The following HSF1 variants were observed in gnomAD, a reference collection of about 807,000 sequenced individuals.
The protein encoded by HSF1 is heat shock transcription factor 1.
A neutral mutation model predicts 51.7 loss-of-function variants in HSF1; 32 were observed. The ratio of observed to expected loss-of-function variants is 0.62; its 90% CI spans 0.47 to 0.83. The LOEUF (loss-of-function observed/expected upper bound fraction) is 0.83, where lower values mean the gene tolerates loss of function less well. HSF1 is among the 40% of genes least tolerant of loss of function. HSF1 has a pLI of 0.00. For synonymous variants in HSF1, 396 were observed against 309.7 expected, an observed-to-expected ratio of 1.28 and a Z score of -2.92; for missense variants, 727 against 717.0, an observed-to-expected ratio of 1.01 and a Z score of -0.16.
chr8:144,300,377 C>G (rs373830248), intron 1 of HSF1, among the ~76,000 whole-genome samples: 2 of 152,092 alleles, frequency 1.3e-5, no homozygotes, highest in African/African-American at 2.4e-5. Flanking sequence ...CCACCTCGCC[C>G]GGCTAATTTT....
intron 1 of HSF1, among the ~76,000 whole-genome samples, chr8:144,302,998 C>T (rs1273119582): frequency 1.3e-5 from 2 of 152,030 alleles, no homozygotes; most frequent in Non-Finnish European, 2.9e-5. Context: ...GTGCGGAGCC[C>T]CTGGAACTCA....
In HSF1 at chr8:144,312,658, C is replaced by T. The variant is rs564015808; in HGVS notation, c.1142+414C>T. ...CTCGCACTCCACAGATGTCTAGGGT[C>T]GCCCGCCTCTTCCCCTGCCCCTCTT... is the stretch of plus-strand genomic sequence containing the variant. On this transcript the variant is annotated intron_variant, in intron 9 of 12. Coordinates refer to ENST00000528838, the MANE Select transcript of HSF1 (RefSeq NM_005526.4). The T allele has an allele frequency of 1.7e-3, 2,652 of 1,535,426 alleles. 16 individuals carry two copies. Among genetic ancestry groups the T allele is most frequent in the Middle Eastern group, 0.014 (84 of 5,988 alleles).
At chr8:144,313,639 GCCTCCCCGCCC>G in intron 10 of HSF1, 23 bp downstream of exon 10, 3 of 439,228 alleles carry the variant, frequency 6.8e-6, no homozygotes, top group Non-Finnish European at 1.0e-5. Flanking sequence ...CCGCCGCCCC[GCCTCCCCGCCC>G]CGCCTCCCCG....
chr8:144,310,141 C>T (rs1453192432), intron 4 of HSF1: 5 of 503,010 alleles, frequency 9.9e-6, no homozygotes, highest in African/African-American at 1.9e-5. Flanking sequence ...ACATCCCCAG[C>T]GCCCTCTGGG....
Position 144,314,096 on chromosome 8 carries a change from C to G in HSF1, c.1385-29C>G, listed in dbSNP as rs532665052. ...CGGCCCCACCTCTGCCCCCAACCCC[C>G]CACCGCCTTGACACCCCCACCCCCG... On this transcript the variant is annotated intron_variant, in intron 12 of 12. Coordinates refer to ENST00000528838, the MANE Select transcript of HSF1 (RefSeq NM_005526.4). 2.0e-6 allele frequency: 3 copies of G among 1,536,164 alleles called. No homozygotes were observed. In the Admixed American group the frequency reaches 5.8e-5, roughly 30 times the overall value.
chr8:144,304,151 G>C (rs559696453), intron 1 of HSF1, among the ~76,000 whole-genome samples: 1 of 151,288 alleles, frequency 6.6e-6, no homozygotes, highest in African/African-American at 2.4e-5. Flanking sequence ...GAGGGGAGAA[G>C]GGTCCCCATC....
Position 144,309,567 on chromosome 8 carries a change from GAACATC to G in HSF1, c.342_347del (p.Asn114_Ile115del). The G allele has an allele frequency of 6.2e-7, 1 of 1,614,044 alleles. No homozygotes were observed. The highest frequency in any genetic ancestry group is 8.5e-7 in the Non-Finnish European group (1 of 1,180,018). Reference sequence around the variant, plus strand: ...TGCGTGGCCAGGAGCAGCTCCTTGAGAACATCAAGAGGAAAGTGACCAGTGTGAGTG... The same window carrying G: ...TGCGTGGCCAGGAGCAGCTCCTTGAGAAGAGGAAAGTGACCAGTGTGAGTG... On this transcript the variant is annotated inframe_deletion, in exon 3 of 13. Transcript: ENST00000528838.
chr8:144,314,317 C>G lies in HSF1; in HGVS notation c.1577C>G (p.Pro526Arg). ...TGSEPPKAKD[P>R]TVS ...TCGGAGCCTCCCAAAGCCAAGGACC[C>G]CACTGTCTCCTAGAGGCCCCGGAGG... Residue 526 changes from proline (P) to arginine (R), a missense_variant, in exon 13 of 13, where the codon CCC (proline) becomes CGC (arginine). Around this residue, in one of 2 missense-constraint regions of HSF1, gnomAD observed 470 missense variants for 398.8 expected, o/e 1.18. Transcript: ENST00000528838. 1 of 1,550,108 alleles carries G rather than the reference C, an allele frequency of 6.5e-7. No homozygotes were observed. Among genetic ancestry groups the G allele is most frequent in the Non-Finnish European group, 8.7e-7 (1 of 1,146,746 alleles).
rs201422904 is a variant in HSF1 at position 144,312,099 on chromosome 8, T to G, written c.997T>G (p.Ser333Ala). 177 of 1,612,206 alleles carry G rather than the reference T, an allele frequency of 1.1e-4. No individual in the cohort carries two copies. In the Middle Eastern group the frequency reaches 1.2e-3, roughly 11 times the overall value. The change falls in exon 9 of 13, where the codon TCC (serine) becomes GCC (alanine). Residue 333 changes from serine to alanine, a missense_variant. Ser to Ala is a moderately conservative substitution (Grantham distance 99, BLOSUM62 1). Transcript: ENST00000528838. The part of the protein sequence containing the change: ...TLLSPTALID[S>A]ILRESEPAPA... The stretch of plus-strand genomic sequence containing the variant: ...CTTGTCCCCGACCGCCCTCATTGAC[T>G]CCATCCTGCGGGAGAGTGAACCTGC...
In HSF1 at chr8:144,294,761, AC is replaced by A. The variant is rs1256239707; in HGVS notation, c.117+2895del. On this transcript the variant is annotated intron_variant, in intron 1 of 12. Transcript: ENST00000528838. ...CCATCCCTGTGTTGTTTGATTTCCC[AC>A]CCCCCCCTCCCAAGACCCTCATTCC... 9.9e-4 allele frequency among the ~76,000 whole-genome samples: 129 copies of A among 130,152 alleles called. 1 individual carries two copies. The highest frequency in any genetic ancestry group is 2.8e-3 in the African/African-American group (99 of 35,108). 85.4% of individuals were successfully genotyped at this position (130,152 alleles called of 152,430 possible).
Position 144,313,488 on chromosome 8 carries a change from GGTACC to G in HSF1, c.1143-21_1143-17del, listed in dbSNP as rs1189234131. ...GTGTGGGGCCTGGGGCACTGGTTCA[GGTACC>G]GCCTTATCCCGGGCCAGGAATGAGC... On this transcript the variant is annotated intron_variant, in intron 9 of 12. Transcript: ENST00000528838. 1 of 1,523,938 alleles carries G rather than the reference GGTACC, an allele frequency of 6.6e-7. No homozygotes were observed. Among genetic ancestry groups the G allele is most frequent in the Non-Finnish European group, 9.1e-7 (1 of 1,099,492 alleles). 94.4% of individuals were successfully genotyped at this position (1,523,938 alleles called of 1,614,324 possible). A position where few individuals can be genotyped will look rare whatever the true frequency, so the allele number is the denominator to read the frequency against.
rs1554844743 is a variant in HSF1, at chr8:144,311,945, G to C, written c.861-18G>C. 1.3e-6 allele frequency: 2 copies of C among 1,579,864 alleles called. No homozygotes were observed. Among genetic ancestry groups the C allele is most frequent in the Non-Finnish European group, 1.7e-6 (2 of 1,163,292 alleles). ...GGCTGGCCGAGACGCCAGCTCACCT[G>C]GCCCCCCTCGTGTGCAGGCCCCTAT... On this transcript the variant is annotated intron_variant, in intron 8 of 12. Transcript: ENST00000528838.
intron 1 of HSF1, among the ~76,000 whole-genome samples, chr8:144,296,930 G>C (rs376140850): frequency 1.2e-3 from 180 of 152,098 alleles, no homozygotes; most frequent in African/African-American, 4.2e-3. Context: ...GGTGTGGTGG[G>C]GGGGGTGCGG....
intron 1 of HSF1, chr8:144,292,536 C>T (rs1266051447): frequency 6.6e-6 from 1 of 152,392 alleles, no homozygotes; most frequent in African/African-American, 2.4e-5. Flanking sequence ...CCGGACAGCT[C>T]CGGTTTGCAG....
At chr8:144,309,972 G>C (rs782580376) in intron 4 of HSF1, 76 bp downstream of exon 4, 1 of 1,543,504 alleles carries the variant, frequency 6.5e-7, no homozygotes, top group Non-Finnish European at 8.8e-7. Context: ...TGTGGGGGCA[G>C]GGCCCTGACC....
intron 1 of HSF1, among the ~76,000 whole-genome samples, chr8:144,300,842 G>A (rs1554842143): frequency 6.6e-6 from 1 of 151,628 alleles, no homozygotes; most frequent in African/African-American, 2.4e-5. Context: ...ATGTTCTTGA[G>A]ACAACTGTAC....
chr8:144,302,957 C>T (rs1564615711), intron 1 of HSF1, among the ~76,000 whole-genome samples: 1 of 152,100 alleles, frequency 6.6e-6, no homozygotes, highest in Non-Finnish European at 1.5e-5. Context: ...ACCGCAGCGA[C>T]AGCGACTAGA....
chr8:144,303,555 C>G (rs1816029981), intron 1 of HSF1, among the ~76,000 whole-genome samples: 1 of 151,936 alleles, frequency 6.6e-6, no homozygotes, highest in Non-Finnish European at 1.5e-5. Flanking sequence ...ACTGTTTTAA[C>G]CTAGAAAGCC....
At chr8:144,300,268 G>C (rs1444179858) in intron 1 of HSF1, among the ~76,000 whole-genome samples, 1 of 141,760 alleles carries the variant, frequency 7.1e-6, no homozygotes, top group Non-Finnish European at 1.5e-5. Flanking sequence ...CCAGGCTGGA[G>C]TGCAGTGGCA....
Sources: allele counts gnomAD v4.1 joint callset (sites outside exome capture counted in the v4.1 genomes callset), GRCh38; gene constraint gnomAD v4.1.1; regional missense constraint gnomAD v4.1.1; transcripts MANE v1.5; gene names NCBI Gene and HGNC (gene_info 2026-07-23, HGNC 2026-07-21).